Variants in FAM83D observed in about 807,000 individuals in gnomAD.
FAM83D encodes protein FAM83D.
FAM83D carries 26 observed loss-of-function variants against 25.4 expected under a neutral mutation model. The ratio of observed to expected loss-of-function variants is 1.02; its 90% CI spans 0.75 to 1.42. The LOEUF is 1.42. Among genes scored for constraint, FAM83D ranks in the 40% most tolerant of loss-of-function variants. FAM83D has a pLI of 0.00. For missense variants in FAM83D, 740 were observed against 758.1 expected, an observed-to-expected ratio of 0.98 and a Z score of 0.28; for synonymous variants, 310 against 318.5, an observed-to-expected ratio of 0.97 and a Z score of 0.28.
rs1192911558 is a variant in FAM83D, at chr20:38,941,982, G to A, written c.507G>A (p.Val169=). Residue 169 remains valine, a synonymous_variant, in exon 2 of 4, where the codon GTG becomes GTA. Transcript: ENST00000619850. ...AREVIAVVMD[V]FTDIDIFRDL... ...AGGTGATTGCAGTGGTCATGGACGT[G>A]TTCACAGACATCGACATCTTCAGAG... 3 of 1,614,014 alleles carry A rather than the reference G, an allele frequency of 1.9e-6. No individual in the cohort carries two copies. The African/African-American group carries it at 4.0e-5, about 22-fold the overall frequency.
intron 2 of FAM83D, among the ~76,000 whole-genome samples, chr20:38,943,129 A>G (rs994658235): frequency 6.6e-6 from 1 of 151,458 alleles, no homozygotes; most frequent in Admixed American, 6.6e-5. Context: ...GGTTCAAGAG[A>G]TTATCCTGCC....
At chr20:38,929,437 C>G (rs1279634988) in intron 1 of FAM83D, among the ~76,000 whole-genome samples, 1 of 152,014 alleles carries the variant, frequency 6.6e-6, no homozygotes, top group Non-Finnish European at 1.5e-5. Flanking sequence ...GTGGGGCTTG[C>G]CAGACCTAGG....
At chr20:38,950,341 C>G (rs1407601399) in intron 3 of FAM83D, among the ~76,000 whole-genome samples, 1 of 152,166 alleles carries the variant, frequency 6.6e-6, no homozygotes, top group East Asian at 1.9e-4. Flanking sequence ...CACATGCCTG[C>G]CCCTATTGTG....
Position 38,952,390 on chromosome 20 carries a change from A to G in FAM83D, c.1628A>G (p.Asn543Ser), listed in dbSNP as rs759648081. The G allele has an allele frequency of 1.5e-5, 24 of 1,614,116 alleles. No individual in the cohort carries two copies. In the African/African-American group the frequency reaches 2.8e-4, roughly 19 times the overall value. Reference protein sequence around the residue: ...FHFAGIRSRLNHMLAMLSRRT... With the variant: ...FHFAGIRSRLSHMLAMLSRRT... ...TTCGCTGGTATCAGGTCCCGGCTCA[A>G]CCACATGCTGGCTATGCTGTCAAGG... The change falls in exon 4 of 4, where the codon AAC becomes AGC. Residue 543 changes from asparagine to serine, a missense_variant. By Grantham distance (46) the Asn-to-Ser change is conservative. Coordinates refer to ENST00000619850, the MANE Select transcript of FAM83D (RefSeq NM_030919.3).
chr20:38,936,223 G>A (rs1355084165), intron 1 of FAM83D, among the ~76,000 whole-genome samples: 2 of 152,204 alleles, frequency 1.3e-5, no homozygotes, highest in African/African-American at 2.4e-5. Flanking sequence ...AGGAAGAAGA[G>A]CTAGAATGAG....
chr20:38,945,672 A>G (rs1303663376), intron 2 of FAM83D, among the ~76,000 whole-genome samples: 5 of 150,998 alleles, frequency 3.3e-5, no homozygotes, highest in African/African-American at 9.7e-5. Context: ...AGTCTCCTTC[A>G]TGTGATTTAA....
At position 38,941,486 on chromosome 20, in the gene FAM83D, C is replaced by T. The variant is rs141612358; in HGVS notation, c.484-473C>T. On this transcript the variant is annotated intron_variant, in intron 1 of 3. Coordinates refer to ENST00000619850, the MANE Select transcript of FAM83D (RefSeq NM_030919.3). ...TCGAGAATGCTACCCTCCAGAAGGG[C>T]CCTCAGAGAGAATCTGAGGTTTTAT... is the stretch of plus-strand genomic sequence containing the variant. 6.6e-4 allele frequency among the ~76,000 whole-genome samples: 100 copies of T among 152,262 alleles called. 1 individual carries two copies. The highest frequency in any genetic ancestry group is 2.4e-3 in the African/African-American group (98 of 41,550).
rs771305566 is a variant in FAM83D, at chr20:38,951,794, G to A, written c.1032G>A (p.Ala344=). ...GGCTGTCAAGTACTCCCAGGAAGGC[G>A]GACCTGGACCCAGAGATGCCCGCAG... ...LARLSSTPRK[A]DLDPEMPAEG... The change falls in exon 4 of 4, where the codon GCG becomes GCA. Residue 344 remains alanine (A), a synonymous_variant. Transcript: ENST00000619850. The A allele has an allele frequency of 7.2e-5, 117 of 1,614,068 alleles. 1 individual carries two copies. Among genetic ancestry groups the A allele is most frequent in the Admixed American group, 1.8e-4 (11 of 60,008 alleles).
chr20:38,934,466 C>T (rs139081663), intron 1 of FAM83D, among the ~76,000 whole-genome samples: 1 of 141,172 alleles, frequency 7.1e-6, no homozygotes, highest in Non-Finnish European at 1.5e-5. Context: ...GCACTCCGGC[C>T]TGGGCAACAA....
intron 2 of FAM83D, among the ~76,000 whole-genome samples, chr20:38,942,366 T>C (rs2145805191): frequency 6.6e-6 from 1 of 152,314 alleles, no homozygotes; most frequent in East Asian, 1.9e-4. Flanking sequence ...GTGAGTTTTA[T>C]AGAAGCATTA....
rs535073947 is a variant in FAM83D, at chr20:38,948,015, C to T, written c.776+15C>T. On this transcript the variant is annotated intron_variant, in intron 3 of 3. Coordinates refer to ENST00000619850, the MANE Select transcript of FAM83D (RefSeq NM_030919.3). ...GGCTCCTACAGGTAAGTCTCTAACC[C>T]GTCCAAGGCTTATTAATCTAAACTC... The T allele has an allele frequency of 5.9e-5, 95 of 1,612,516 alleles. No individual in the cohort carries two copies. In the South Asian group the frequency reaches 8.3e-4, roughly 14 times the overall value.
rs1304633033 is a variant in FAM83D at position 38,941,942 on chromosome 20, C to T, written c.484-17C>T. 2 of 1,613,090 alleles carry T rather than the reference C, an allele frequency of 1.2e-6. No individual in the cohort carries two copies. The highest frequency in any genetic ancestry group is 1.7e-5 in the Admixed American group (1 of 60,000). On this transcript the variant is annotated splice_polypyrimidine_tract_variant and intron_variant, in intron 1 of 3. Coordinates refer to ENST00000619850, the MANE Select transcript of FAM83D (RefSeq NM_030919.3). Reference sequence around the variant, plus strand: ...TCCTATAAGCTTATCATGTGCTCTTCCCTGTTTCACCTGTAGGTGATTGCA... The same window carrying T: ...TCCTATAAGCTTATCATGTGCTCTTTCCTGTTTCACCTGTAGGTGATTGCA...
chr20:38,949,698 T>C (rs1483745481), intron 3 of FAM83D, among the ~76,000 whole-genome samples: 1 of 152,164 alleles, frequency 6.6e-6, no homozygotes, highest in Non-Finnish European at 1.5e-5. Flanking sequence ...AAAGGTACAG[T>C]TGGTTTTCAG....
At chr20:38,946,856 G>T (rs1241005249) in intron 2 of FAM83D, among the ~76,000 whole-genome samples, 1 of 152,166 alleles carries the variant, frequency 6.6e-6, no homozygotes, top group African/African-American at 2.4e-5. Context: ...TATGAATAAA[G>T]TTGCTGTGAA....
chr20:38,946,106 A>T (rs1413899913), intron 2 of FAM83D, among the ~76,000 whole-genome samples: 1 of 142,070 alleles, frequency 7.0e-6, no homozygotes, highest in Non-Finnish European at 1.5e-5. Context: ...GCTACTCGGG[A>T]GGCTGAGGCA....
chr20:38,948,668 C>G (rs143618690), intron 3 of FAM83D, among the ~76,000 whole-genome samples: 6 of 152,154 alleles, frequency 3.9e-5, no homozygotes, highest in Non-Finnish European at 8.8e-5. Flanking sequence ...GCCGCCTCTG[C>G]GGTAGATTGT....
chr20:38,947,258 T>C (rs2085732407), intron 2 of FAM83D, among the ~76,000 whole-genome samples: 1 of 152,224 alleles, frequency 6.6e-6, no homozygotes, highest in African/African-American at 2.4e-5. Flanking sequence ...TGTACGTTTT[T>C]GGTAATTATG....
At chr20:38,950,207 T>A (rs1024095046) in intron 3 of FAM83D, among the ~76,000 whole-genome samples, 1 of 152,172 alleles carries the variant, frequency 6.6e-6, no homozygotes, top group South Asian at 2.1e-4. Flanking sequence ...ATCCCTTCTG[T>A]CAGAATCCAT....
rs534813259 is a variant in FAM83D, at chr20:38,926,679, C to CGCGGCG, written c.252_257dup (p.Ala85_Ala86dup). On this transcript the variant is annotated inframe_insertion, in exon 1 of 4. Coordinates refer to ENST00000619850, the MANE Select transcript of FAM83D (RefSeq NM_030919.3). ...CGGCGGAGAGGCCGGGAGAGGAGGG[C>CGCGGCG]GCGGCGGCGGCGGCGGCGGCCGAGG... 1,170 of 1,519,866 alleles carry CGCGGCG rather than the reference C, an allele frequency of 7.7e-4. 3 individuals carry two copies. In the East Asian group the frequency reaches 0.012, roughly 16 times the overall value. The allele number at this position is 1,519,866 out of a possible 1,614,324, so 94.1% of individuals were successfully genotyped here. A position where few individuals can be genotyped will look rare whatever the true frequency, so the allele number is the denominator to read the frequency against.
Sources: allele counts gnomAD v4.1 joint callset (sites outside exome capture counted in the v4.1 genomes callset), GRCh38; gene constraint gnomAD v4.1.1; transcripts MANE v1.5; gene names NCBI Gene and HGNC (gene_info 2026-07-23, HGNC 2026-07-21).